Variants in SMAD4 observed in about 807,000 individuals in gnomAD.
SMAD4 encodes SMAD family member 4.
A neutral mutation model predicts 63.2 loss-of-function variants in SMAD4; 7 were observed. The observed-to-expected ratio is 0.11, with a 90% CI of 0.06 to 0.21. The LOEUF is 0.21. Among genes scored for constraint, SMAD4 ranks in the 10% least tolerant of loss-of-function variants. The probability of loss-of-function intolerance (pLI) is 1.00; values close to 1 mark genes in which losing one functional copy is unlikely to be tolerated. For missense variants in SMAD4, 312 were observed against 693.8 expected (o/e 0.45, Z 6.18); for synonymous variants, 215 against 235.4 (o/e 0.91, Z 0.79).
chr18:51,044,593 G>A (rs1484985263), intron 1 of SMAD4, among the ~76,000 whole-genome samples: 9 of 151,500 alleles, frequency 5.9e-5, no homozygotes, highest in African/African-American at 1.9e-4. Flanking sequence ...AGGTTTTGCC[G>A]TGTTGCCCAG....
At position 51,057,941 on chromosome 18, in the gene SMAD4, C is replaced by G. The variant is rs144611121; in HGVS notation, c.668-184C>G. ...AAAATGGAATAATTTTGAGCTTCCT[C>G]AAGTTAAAGTTTGCCTTTATAGATG... On this transcript the variant is annotated intron_variant, in intron 5 of 11. Transcript: ENST00000342988. Among the ~76,000 whole-genome samples, 434 of 152,316 alleles carry G rather than the reference C, an allele frequency of 2.8e-3. 3 individuals are homozygous for G. The highest frequency in any genetic ancestry group is 7.1e-3 in the African/African-American group (297 of 41,570).
At chr18:51,073,433 A>ACACACACACC (rs1910386533) in intron 10 of SMAD4, among the ~76,000 whole-genome samples, 1 of 130,504 alleles carries the variant, frequency 7.7e-6, no homozygotes, top group Non-Finnish European at 1.6e-5. Context: ...ACACACACAC[A>ACACACACACC]CCATACTTGG....
Position 51,084,577 on chromosome 18 carries a change from T to C in SMAD4, c.*6110T>C, listed in dbSNP as rs1599210898. The C allele has an allele frequency of 4.3e-6, 1 of 230,202 alleles. No individual in the cohort carries two copies. Among genetic ancestry groups the C allele is most frequent in the East Asian group, 6.2e-5 (1 of 16,242 alleles). The allele number at this position is 230,202 out of a possible 1,614,324, so 14.3% of individuals were successfully genotyped here. On this transcript the variant is annotated 3_prime_UTR_variant, in exon 12 of 12. Coordinates refer to ENST00000342988, the MANE Select transcript of SMAD4 (RefSeq NM_005359.6). ...CTGGAGAGGAAGGGATGAAACCAGC[T>C]GCTGTTGCAAAGGCTGCTTGTCATT...
At chr18:51,049,401 T>C in intron 4 of SMAD4, 77 bp downstream of exon 4, 3 of 1,060,680 alleles carry the variant, frequency 2.8e-6, no homozygotes, top group East Asian at 2.4e-5. Flanking sequence ...TAGAATTAGT[T>C]TGTGTGAGCG....
intron 10 of SMAD4, among the ~76,000 whole-genome samples, chr18:51,073,388 T>TATATATATATATATAC (rs1417299090): frequency 1.6e-4 from 10 of 64,156 alleles, no homozygotes; most frequent in South Asian, 5.9e-4. Flanking sequence ...TATATATATA[T>TATATATATATATATAC]ACACACACAC....
intron 1 of SMAD4, among the ~76,000 whole-genome samples, chr18:51,041,266 C>G (rs1207657221): frequency 6.6e-6 from 1 of 152,184 alleles, no homozygotes. Flanking sequence ...CTCTGCTTTT[C>G]CTCATCATTT....
At chr18:51,035,902 G>C (rs188832758) in intron 1 of SMAD4, among the ~76,000 whole-genome samples, 1 of 152,318 alleles carries the variant, frequency 6.6e-6, no homozygotes, top group Non-Finnish European at 1.5e-5. Context: ...ATGGAGTGGA[G>C]GAGGCATGGG....
At position 51,082,851 on chromosome 18, in the gene SMAD4, T is replaced by A. The variant is rs1910642186; in HGVS notation, c.*4384T>A. On this transcript the variant is annotated 3_prime_UTR_variant, in exon 12 of 12. Coordinates refer to ENST00000342988, the MANE Select transcript of SMAD4 (RefSeq NM_005359.6). ...TTCTTCTTCTCTTTCTGATTCTTCATTTCTGACTGCCTAGGCAAGGAAACC... is the reference window on the plus strand; with the variant it reads ...TTCTTCTTCTCTTTCTGATTCTTCAATTCTGACTGCCTAGGCAAGGAAACC... 1 of 228,622 alleles carries A rather than the reference T, an allele frequency of 4.4e-6. No homozygotes were observed. Among genetic ancestry groups the A allele is most frequent in the African/African-American group, 2.2e-5 (1 of 45,206 alleles). The allele number at this position is 228,622 out of a possible 1,614,324, so 14.2% of individuals were successfully genotyped here. A position where few individuals can be genotyped will look rare whatever the true frequency, so the allele number is the denominator to read the frequency against.
intron 10 of SMAD4, 80 bp downstream of exon 10, chr18:51,067,267 A>G (rs2144453416): frequency 1.3e-6 from 1 of 768,212 alleles, no homozygotes; most frequent in Non-Finnish European, 2.2e-6. Context: ...GGTGGAAGGA[A>G]TGGAAAAATG....
chr18:51,043,226 C>T (rs1036850341), intron 1 of SMAD4, among the ~76,000 whole-genome samples: 6 of 152,012 alleles, frequency 3.9e-5, no homozygotes, highest in African/African-American at 9.7e-5. Context: ...GAGTCCAGAC[C>T]CACTTTCTTA....
chr18:51,052,588 TA>T, intron 4 of SMAD4: 3 of 253,048 alleles, frequency 1.2e-5, no homozygotes, highest in African/African-American at 2.3e-5. Context: ...TTCTGGACTT[TA>T]AAAAATATAT....
chr18:51,072,062 C>T (rs1292885414), intron 10 of SMAD4, among the ~76,000 whole-genome samples: 4 of 152,138 alleles, frequency 2.6e-5, no homozygotes. Flanking sequence ...CTGCTATGAA[C>T]ATTTGTGTAT....
chr18:51,069,721 G>A (rs141478108), intron 10 of SMAD4, among the ~76,000 whole-genome samples: 50 of 152,270 alleles, frequency 3.3e-4, no homozygotes, highest in African/African-American at 1.1e-3. Context: ...TTTCCCTGCC[G>A]TGGGCAAATA....
chr18:51,044,939 C>A (rs1159349148), intron 1 of SMAD4: 2 of 152,144 alleles, frequency 1.3e-5, no homozygotes, highest in Non-Finnish European at 2.9e-5. Flanking sequence ...TTAATGTGGG[C>A]AAGTGCTCTA....
intron 5 of SMAD4, 114 bp downstream of exon 5, chr18:51,055,107 G>A: frequency 1.1e-5 from 9 of 804,974 alleles, no homozygotes; most frequent in South Asian, 1.4e-5. Flanking sequence ...AGTAACTGTA[G>A]TATCTTTCAT....
intron 10 of SMAD4, among the ~76,000 whole-genome samples, chr18:51,070,523 T>G (rs1487057890): frequency 1.3e-5 from 2 of 152,238 alleles, no homozygotes; most frequent in African/African-American, 4.8e-5. Context: ...TACTGTTCTT[T>G]AGAAGAGTCT....
In SMAD4 at chr18:51,078,995, ATGTAT is replaced by A. The variant is rs1487330382; in HGVS notation, c.*533_*537del. On this transcript the variant is annotated 3_prime_UTR_variant, in exon 12 of 12. Coordinates refer to ENST00000342988, the MANE Select transcript of SMAD4 (RefSeq NM_005359.6). ...TCTGTGTTTAAAAAGTAAGTTAATA[ATGTAT>A]TGTAATCTTTCATCCAAAATATTTT... The A allele has an allele frequency of 3.0e-5, 7 of 234,360 alleles. No individual in the cohort carries two copies. The highest frequency in any genetic ancestry group is 1.1e-4 in the Admixed American group (2 of 17,978). The allele number at this position is 234,360 out of a possible 1,614,324, so 14.5% of individuals were successfully genotyped here. A position where few individuals can be genotyped will look rare whatever the true frequency, so the allele number is the denominator to read the frequency against.
Position 51,077,801 on chromosome 18 carries a change from G to C in SMAD4, c.1448-455G>C, listed in dbSNP as rs142749258. On this transcript the variant is annotated intron_variant, in intron 11 of 11. Coordinates refer to ENST00000342988, the MANE Select transcript of SMAD4 (RefSeq NM_005359.6). ...TGTTACACTTTGAAATTGAGAGAGAGACTTCATCTCGGTCATCTAAGAGGT... is the reference window on the plus strand; with the variant it reads ...TGTTACACTTTGAAATTGAGAGAGACACTTCATCTCGGTCATCTAAGAGGT... Among the ~76,000 whole-genome samples, 45 of 152,226 alleles carry C rather than the reference G, an allele frequency of 3.0e-4. No individual in the cohort carries two copies. The South Asian group carries it at 8.1e-3, about 27-fold the overall frequency.
intron 1 of SMAD4, among the ~76,000 whole-genome samples, chr18:51,043,601 C>T (rs1010505344): frequency 6.6e-6 from 1 of 151,982 alleles, no homozygotes; most frequent in African/African-American, 2.4e-5. Context: ...CACTTGTGGT[C>T]ATAGGAATAC....
Sources: allele counts gnomAD v4.1 joint callset (sites outside exome capture counted in the v4.1 genomes callset), GRCh38; gene constraint gnomAD v4.1.1; transcripts MANE v1.5; gene names NCBI Gene and HGNC (gene_info 2026-07-23, HGNC 2026-07-21).